Variants in LHFPL3 observed in about 807,000 individuals in gnomAD.
The protein encoded by LHFPL3 is LHFPL tetraspan subfamily member 3.
Under a neutral mutation model 19.3 loss-of-function variants are expected in LHFPL3, and 5 were observed. That is an observed-to-expected ratio of 0.26 (90% CI 0.14 to 0.54). The LOEUF (loss-of-function observed/expected upper bound fraction) is 0.54. Among genes scored for constraint, LHFPL3 ranks in the 20% least tolerant of loss-of-function variants. LHFPL3 has a pLI of 0.94. For missense variants in LHFPL3, 249 were observed against 307.4 expected (o/e 0.81, Z 1.42); for synonymous variants, 133 against 126.2 (o/e 1.05, Z -0.36).
rs928719152 is a variant in LHFPL3 at position 104,420,608 on chromosome 7, G to A, written c.445+91384G>A. Among the ~76,000 whole-genome samples, 15 of 132,370 alleles carry A rather than the reference G, an allele frequency of 1.1e-4. 1 individual carries two copies. In the South Asian group the frequency reaches 3.6e-3, roughly 32 times the overall value. 86.8% of individuals were successfully genotyped at this position (132,370 alleles called of 152,430 possible). The stretch of plus-strand genomic sequence containing the variant: ...GGAGTCTCGCTCTTTCGCCCAGGCT[G>A]GAGTGCAGTGGCGCGATCTCGGCTC... On this transcript the variant is annotated intron_variant, in intron 1 of 2. Coordinates refer to ENST00000424859, the MANE Select transcript of LHFPL3 (RefSeq NM_199000.3).
intron 1 of LHFPL3, among the ~76,000 whole-genome samples, chr7:104,518,548 C>T (rs1793968314): frequency 6.6e-6 from 1 of 152,136 alleles, no homozygotes. Flanking sequence ...CTTTGGGAGG[C>T]TGAGGCAGGC....
At chr7:104,872,286 G>A (rs1411367144) in intron 2 of LHFPL3, among the ~76,000 whole-genome samples, 4 of 151,422 alleles carry the variant, frequency 2.6e-5, no homozygotes, top group Non-Finnish European at 5.9e-5. Context: ...GCAGTGAGCC[G>A]AGATTGTGCC....
intron 1 of LHFPL3, among the ~76,000 whole-genome samples, chr7:104,665,073 C>T (rs1426603683): frequency 2.0e-5 from 3 of 152,210 alleles, no homozygotes; most frequent in African/African-American, 7.2e-5. Context: ...AATTTTAGCA[C>T]TTAATCACTA....
intron 1 of LHFPL3, among the ~76,000 whole-genome samples, chr7:104,477,647 T>C (rs937612708): frequency 1.3e-5 from 2 of 151,956 alleles, no homozygotes; most frequent in African/African-American, 4.8e-5. Context: ...AACTATTGGG[T>C]ACTAGGTATA....
At chr7:104,498,694 T>C (rs1793539692) in intron 1 of LHFPL3, among the ~76,000 whole-genome samples, 1 of 152,128 alleles carries the variant, frequency 6.6e-6, no homozygotes. Context: ...ACCAGGTTGG[T>C]CTCGAACTCC....
intron 1 of LHFPL3, among the ~76,000 whole-genome samples, chr7:104,679,416 C>A (rs1393392627): frequency 6.6e-6 from 1 of 152,238 alleles, no homozygotes; most frequent in African/African-American, 2.4e-5. Context: ...AGAAGACAGT[C>A]ACCAAGTCCA....
Position 104,328,699 on chromosome 7 carries a change from C to T in LHFPL3, c.-81C>T, listed in dbSNP as rs1371897358. 1.6e-6 allele frequency: 2 copies of T among 1,279,780 alleles called. No homozygotes were observed. The highest frequency in any genetic ancestry group is 2.0e-5 in the Admixed American group (1 of 49,464). 79.3% of individuals were successfully genotyped at this position (1,279,780 alleles called of 1,614,324 possible). A position where few individuals can be genotyped will look rare whatever the true frequency, so the allele number is the denominator to read the frequency against. ...AGGGGAGTTGCAGCGCGCGAGGCTC[C>T]GTGAGTGTGTCTCCTGCGCGCTGAG... On this transcript the variant is annotated 5_prime_UTR_variant, in exon 1 of 3. Coordinates refer to ENST00000424859, the MANE Select transcript of LHFPL3 (RefSeq NM_199000.3). This position sits in a 1 kb window ranked among gnomAD's most constrained non-coding sequence, Gnocchi z 4.6.
At chr7:104,654,018 T>G (rs569504382) in intron 1 of LHFPL3, among the ~76,000 whole-genome samples, 44 of 152,300 alleles carry the variant, frequency 2.9e-4, no homozygotes, top group Non-Finnish European at 6.0e-4. Context: ...TAAAAATATC[T>G]TAGGATGGCA....
intron 1 of LHFPL3, among the ~76,000 whole-genome samples, chr7:104,515,551 A>C (rs1030757022): frequency 5.3e-5 from 8 of 152,154 alleles, no homozygotes; most frequent in Non-Finnish European, 8.8e-5. Flanking sequence ...CAGTTCCTCC[A>C]AGTTGTATTA....
intron 2 of LHFPL3, among the ~76,000 whole-genome samples, chr7:104,749,243 G>A (rs1268467019): frequency 6.6e-6 from 1 of 152,232 alleles, no homozygotes; most frequent in Non-Finnish European, 1.5e-5. Flanking sequence ...TGCCAGTCCT[G>A]CATTGGCAAC....
At chr7:104,852,529 C>T (rs183048483) in intron 2 of LHFPL3, among the ~76,000 whole-genome samples, 2 of 152,314 alleles carry the variant, frequency 1.3e-5, no homozygotes, top group African/African-American at 4.8e-5. Context: ...GGGAATAGGC[C>T]AGGCTGGCCA....
intron 1 of LHFPL3, among the ~76,000 whole-genome samples, chr7:104,630,794 T>C (rs1188807311): frequency 6.6e-6 from 1 of 152,044 alleles, no homozygotes; most frequent in Non-Finnish European, 1.5e-5. Flanking sequence ...GAGCAACAGA[T>C]TAGCTAGTAA....
chr7:104,422,084 G>C (rs1315163822), intron 1 of LHFPL3, among the ~76,000 whole-genome samples: 2 of 152,224 alleles, frequency 1.3e-5, no homozygotes, highest in African/African-American at 4.8e-5. Context: ...TTTCAGGCCG[G>C]GTGCAGTGGC....
intron 2 of LHFPL3, among the ~76,000 whole-genome samples, chr7:104,854,105 C>T (rs1317534804): frequency 6.6e-6 from 1 of 152,102 alleles, no homozygotes; most frequent in African/African-American, 2.4e-5. Flanking sequence ...AGTTTAAGAA[C>T]ATAACTTCAC....
chr7:104,733,711 G>A lies in LHFPL3; in HGVS notation c.446-2964G>A, dbSNP rs189603325. Among the ~76,000 whole-genome samples the A allele has an allele frequency of 3.3e-3, 500 of 152,288 alleles. 1 individual carries two copies. Among genetic ancestry groups the A allele is most frequent in the South Asian group, 9.3e-3 (45 of 4,818 alleles). The stretch of plus-strand genomic sequence containing the variant: ...CTGTGTCTTTTAATTGGAGGATTTA[G>A]CCCATTTACATCTAAGACTAATATT... On this transcript the variant is annotated intron_variant, in intron 1 of 2. Transcript: ENST00000424859.
chr7:104,832,348 C>T (rs1015956335), intron 2 of LHFPL3, among the ~76,000 whole-genome samples: 1 of 151,910 alleles, frequency 6.6e-6, no homozygotes, highest in Non-Finnish European at 1.5e-5. Flanking sequence ...CCTGGTTTTG[C>T]TCCCAGATAC....
At chr7:104,554,803 TC>T (rs2115921245) in intron 1 of LHFPL3, among the ~76,000 whole-genome samples, 1 of 152,224 alleles carries the variant, frequency 6.6e-6, no homozygotes, top group East Asian at 1.9e-4. Flanking sequence ...AAGACAATAG[TC>T]CAAGTCCAAA....
At chr7:104,792,228 A>T (rs1790036788) in intron 2 of LHFPL3, among the ~76,000 whole-genome samples, 1 of 152,146 alleles carries the variant, frequency 6.6e-6, no homozygotes. Flanking sequence ...CTTGGGAGGG[A>T]AAATGAATAG....
chr7:104,582,757 T>TAA (rs992977202), intron 1 of LHFPL3, among the ~76,000 whole-genome samples: 6 of 151,282 alleles, frequency 4.0e-5, no homozygotes, highest in African/African-American at 1.5e-4. Context: ...TTTTAAATGT[T>TAA]AAGCCTATGT....
Sources: allele counts gnomAD v4.1 joint callset (sites outside exome capture counted in the v4.1 genomes callset), GRCh38; gene constraint gnomAD v4.1.1; non-coding constraint Gnocchi (gnomAD v3.1); transcripts MANE v1.5; gene names NCBI Gene and HGNC (gene_info 2026-07-23, HGNC 2026-07-21).